Variants in SOX5 observed in about 807,000 individuals in gnomAD.
The protein encoded by SOX5 is transcription factor SOX-5.
SOX5 carries 9 observed loss-of-function variants against 92.0 expected under a neutral mutation model. The ratio of observed to expected loss-of-function variants is 0.10; its 90% CI spans 0.06 to 0.17. The LOEUF is 0.17. Ranked by LOEUF, SOX5 falls within the 10% of genes least tolerant of loss-of-function variation. The probability of loss-of-function intolerance (pLI) is 1.00; values close to 1 mark genes in which losing one functional copy is unlikely to be tolerated. For missense variants in SOX5, 642 were observed against 944.5 expected, an observed-to-expected ratio of 0.68 and a Z score of 4.20; for synonymous variants, 344 against 336.3, an observed-to-expected ratio of 1.02 and a Z score of -0.25.
intron 11 of SOX5, among the ~76,000 whole-genome samples, chr12:23,557,619 C>T (rs1038388371): frequency 6.6e-6 from 1 of 152,214 alleles, no homozygotes; most frequent in Non-Finnish European, 1.5e-5. Flanking sequence ...TATCAAGCAA[C>T]GTCTTCTTGT....
intron 13 of SOX5, among the ~76,000 whole-genome samples, chr12:23,541,533 C>T (rs893014887): frequency 5.9e-5 from 9 of 151,846 alleles, no homozygotes; most frequent in Non-Finnish European, 1.2e-4. Context: ...AAAATATAGT[C>T]ACAAAAGGGA....
At chr12:23,804,315 A>C (rs1287206220) in intron 3 of SOX5, among the ~76,000 whole-genome samples, 2 of 152,204 alleles carry the variant, frequency 1.3e-5, no homozygotes, top group African/African-American at 4.8e-5. Context: ...TAAATAGAAA[A>C]AAATCCATAG....
intron 1 of SOX5, among the ~76,000 whole-genome samples, chr12:23,898,066 C>A (rs1024394760): frequency 6.6e-6 from 1 of 152,202 alleles, no homozygotes; most frequent in East Asian, 1.9e-4. Flanking sequence ...ACATAATAAC[C>A]CATGACACTA....
chr12:24,370,315 A>C (rs1473664908), intron 1 of SOX5, among the ~76,000 whole-genome samples: 1 of 151,924 alleles, frequency 6.6e-6, no homozygotes, highest in Non-Finnish European at 1.5e-5. Flanking sequence ...TCTACTAAAA[A>C]TAGAAAAAAA....
chr12:23,728,557 T>C (rs1307097189), intron 6 of SOX5, among the ~76,000 whole-genome samples: 1 of 152,152 alleles, frequency 6.6e-6, no homozygotes, highest in African/African-American at 2.4e-5. Context: ...TTTCAATGGA[T>C]TTCCTTCTGC....
chr12:23,637,425 T>C (rs2079409287), intron 8 of SOX5, among the ~76,000 whole-genome samples: 1 of 152,158 alleles, frequency 6.6e-6, no homozygotes, highest in South Asian at 2.1e-4. Flanking sequence ...ACAGCACCCA[T>C]ACCACCAACC....
intron 10 of SOX5, among the ~76,000 whole-genome samples, chr12:23,564,348 G>A (rs1339743544): frequency 6.6e-6 from 1 of 152,186 alleles, no homozygotes; most frequent in Non-Finnish European, 1.5e-5. Flanking sequence ...TTAAAGAAAA[G>A]CTAATATCTC....
intron 4 of SOX5, among the ~76,000 whole-genome samples, chr12:24,068,718 A>G (rs866550478): frequency 0.083 from 5,240 of 63,484 alleles, 137 homozygotes; most frequent in East Asian, 0.11. Flanking sequence ...ATATATATAT[A>G]TATATATATA....
intron 3 of SOX5, among the ~76,000 whole-genome samples, chr12:24,262,568 A>G (rs1457202959): frequency 6.6e-6 from 1 of 152,202 alleles, no homozygotes; most frequent in Non-Finnish European, 1.5e-5. Flanking sequence ...AACTCATAGC[A>G]AGGTGACCCC....
intron 4 of SOX5, among the ~76,000 whole-genome samples, chr12:23,957,190 A>G (rs901031940): frequency 6.6e-6 from 1 of 152,198 alleles, no homozygotes; most frequent in African/African-American, 2.4e-5. Context: ...TCATACAGCA[A>G]TATAAGACAG....
At chr12:24,144,736 G>A (rs1950904518) in intron 4 of SOX5, among the ~76,000 whole-genome samples, 1 of 152,142 alleles carries the variant, frequency 6.6e-6, no homozygotes, top group African/African-American at 2.4e-5. Flanking sequence ...GGCTGAGGCA[G>A]GAGGATTGCT....
intron 3 of SOX5, among the ~76,000 whole-genome samples, chr12:23,795,183 T>C (rs1184766335): frequency 6.6e-6 from 1 of 151,820 alleles, no homozygotes; most frequent in African/African-American, 2.4e-5. Flanking sequence ...TTCTGGAAAA[T>C]GGGAGGAATC....
chr12:24,252,281 T>C (rs1298293922), intron 3 of SOX5, among the ~76,000 whole-genome samples: 1 of 152,176 alleles, frequency 6.6e-6, no homozygotes, highest in Admixed American at 6.5e-5. Context: ...GTCAGACATA[T>C]AAGAATCATA....
At chr12:24,027,323 C>T (rs1954994023) in intron 4 of SOX5, among the ~76,000 whole-genome samples, 1 of 151,986 alleles carries the variant, frequency 6.6e-6, no homozygotes, top group Admixed American at 6.6e-5. Flanking sequence ...CTCTAGACTA[C>T]CATATTCTAC....
At chr12:24,413,276 G>A (rs1015542401) in intron 1 of SOX5, among the ~76,000 whole-genome samples, 6 of 152,020 alleles carry the variant, frequency 3.9e-5, no homozygotes, top group Non-Finnish European at 5.9e-5. Context: ...CTTTTTGGTG[G>A]AGCAATGTCT....
chr12:23,708,811 G>A (rs2091734042), intron 6 of SOX5, among the ~76,000 whole-genome samples: 1 of 152,154 alleles, frequency 6.6e-6, no homozygotes. Context: ...TTAGATGATT[G>A]GGAGACTGGT....
chr12:23,908,814 T>G (rs1441151398), intron 1 of SOX5, among the ~76,000 whole-genome samples: 1 of 152,110 alleles, frequency 6.6e-6, no homozygotes, highest in Non-Finnish European at 1.5e-5. Context: ...CTTCATTGGC[T>G]CCTTTCATGC....
intron 4 of SOX5, among the ~76,000 whole-genome samples, chr12:23,750,526 A>C (rs995544554): frequency 1.3e-5 from 2 of 151,954 alleles, no homozygotes; most frequent in Non-Finnish European, 1.5e-5. Flanking sequence ...TGCATTACCC[A>C]ATAGTCTGGA....
At chr12:23,728,819 C>T (rs2093272837) in intron 6 of SOX5, among the ~76,000 whole-genome samples, 1 of 152,076 alleles carries the variant, frequency 6.6e-6, no homozygotes, top group East Asian at 1.9e-4. Context: ...AGCCAAAACT[C>T]GGGTAACTTG....
Sources: gnomAD v4.1 joint callset for allele counts (sites outside exome capture counted in the v4.1 genomes callset) on GRCh38, gnomAD v4.1.1 for gene constraint, MANE v1.5 for transcripts, NCBI Gene and HGNC (gene_info 2026-07-23, HGNC 2026-07-21) for gene names.